The following NUMB variants were observed in gnomAD, a reference collection of about 807,000 sequenced individuals.
NUMB encodes the protein NUMB endocytic adaptor protein, also known as protein numb homolog.
Under a neutral mutation model 59.7 loss-of-function variants are expected in NUMB, and 29 were observed. The ratio of observed to expected loss-of-function variants is 0.49; its 90% CI spans 0.36 to 0.66. NUMB has a LOEUF of 0.66. Ranked by LOEUF, NUMB falls within the 30% of genes least tolerant of loss-of-function variation. NUMB has a pLI of 0.00. For synonymous variants in NUMB, 288 were observed against 288.2 expected (o/e 1.00, Z 0.01); for missense variants, 723 against 822.0 (o/e 0.88, Z 1.47).
intron 1 of NUMB, among the ~76,000 whole-genome samples, chr14:73,418,170 A>G (rs1292888335): frequency 6.6e-6 from 1 of 152,216 alleles, no homozygotes; most frequent in Admixed American, 6.5e-5. Flanking sequence ...TGAAATTCTG[A>G]CACTTGCTGC....
chr14:73,428,159 A>G (rs1413787319), intron 1 of NUMB, among the ~76,000 whole-genome samples: 2 of 152,190 alleles, frequency 1.3e-5, no homozygotes, highest in Non-Finnish European at 1.5e-5. Context: ...AAATAGTCTC[A>G]AGAGAATAAC....
Position 73,352,433 on chromosome 14 carries a change from T to TACAC in NUMB, c.126+3189_126+3192dup, listed in dbSNP as rs10610977. On this transcript the variant is annotated intron_variant, in intron 4 of 12. Transcript: ENST00000555238. ...ACCTTGGGTTGTAATAATATATATATACACACACACACACACACACACACA... is the reference window on the plus strand; with the variant it reads ...ACCTTGGGTTGTAATAATATATATATACACACACACACACACACACACACACACA... Among the ~76,000 whole-genome samples the TACAC allele has an allele frequency of 9.5e-4, 50 of 52,676 alleles. 4 individuals carry two copies. Among genetic ancestry groups the TACAC allele is most frequent in the Middle Eastern group, 8.3e-3 (1 of 120 alleles). 34.6% of individuals were successfully genotyped at this position (52,676 alleles called of 152,430 possible).
At chr14:73,356,170 C>G (rs561197087) in intron 3 of NUMB, among the ~76,000 whole-genome samples, 1 of 152,182 alleles carries the variant, frequency 6.6e-6, no homozygotes, top group South Asian at 2.1e-4. Flanking sequence ...TACATGTAGA[C>G]CAAATTATAG....
intron 6 of NUMB, among the ~76,000 whole-genome samples, chr14:73,313,803 ATTT>A (rs549089757): frequency 6.8e-6 from 1 of 147,522 alleles, no homozygotes; most frequent in African/African-American, 2.5e-5. Context: ...AAAAAAGATG[ATTT>A]TTTTTTTCTT....
intron 1 of NUMB, among the ~76,000 whole-genome samples, chr14:73,412,039 C>A (rs1482929613): frequency 2.0e-5 from 3 of 151,376 alleles, no homozygotes; most frequent in Non-Finnish European, 4.4e-5. Flanking sequence ...ATCCTCCCAC[C>A]TCAGCCTCCC....
intron 2 of NUMB, among the ~76,000 whole-genome samples, chr14:73,386,473 A>G (rs1375326209): frequency 6.6e-6 from 1 of 152,064 alleles, no homozygotes; most frequent in Non-Finnish European, 1.5e-5. Context: ...TTAACTTGTC[A>G]GCATTAAGTA....
intron 1 of NUMB, among the ~76,000 whole-genome samples, chr14:73,431,005 C>A (rs1897803533): frequency 6.6e-6 from 1 of 151,970 alleles, no homozygotes; most frequent in African/African-American, 2.4e-5. Flanking sequence ...GTCACCTAAG[C>A]TGGAGTACAG....
chr14:73,395,037 T>TTTTGTGTGTGTG (rs1230785169), intron 2 of NUMB, among the ~76,000 whole-genome samples: 9 of 120,000 alleles, frequency 7.5e-5, no homozygotes, highest in Admixed American at 7.1e-4. Context: ...ATTCGTGTGT[T>TTTTGTGTGTGTG]TGTGTGTGTG....
At chr14:73,437,987 A>G (rs1898127949) in intron 1 of NUMB, among the ~76,000 whole-genome samples, 1 of 152,240 alleles carries the variant, frequency 6.6e-6, no homozygotes, top group African/African-American at 2.4e-5. Context: ...GAAACCAGTT[A>G]CTATTTCCTA....
At chr14:73,408,107 G>C (rs1157274825) in intron 2 of NUMB, among the ~76,000 whole-genome samples, 2 of 151,940 alleles carry the variant, frequency 1.3e-5, no homozygotes, top group Non-Finnish European at 2.9e-5. Flanking sequence ...CATGCCTGTA[G>C]TCCCAGCTAC....
chr14:73,423,227 C>T (rs7153026), intron 1 of NUMB, among the ~76,000 whole-genome samples: 7,809 of 151,438 alleles, frequency 0.052, 648 homozygotes, highest in African/African-American at 0.18. Flanking sequence ...TGGCCGGGTG[C>T]GGTGGCTCAC....
chr14:73,416,830 T>C (rs1056276435), intron 1 of NUMB, among the ~76,000 whole-genome samples: 2 of 151,752 alleles, frequency 1.3e-5, no homozygotes, highest in Admixed American at 6.6e-5. Flanking sequence ...AAGAGGGCAG[T>C]TCTCCAGCAA....
rs938534582 is a variant in NUMB, at chr14:73,277,396, C to T, written c.1241-103G>A. On this transcript the variant is annotated intron_variant, in intron 12 of 12. Transcript: ENST00000555238. ...GATCCTAACATGTACAACATGTCCC[C>T]CCCTAATGGGACATTTTGTGGTTTT... 4.5e-6 allele frequency: 4 copies of T among 891,668 alleles called. No individual in the cohort carries two copies. In the Admixed American group the frequency reaches 8.7e-5, roughly 19 times the overall value. 55.2% of individuals were successfully genotyped at this position (891,668 alleles called of 1,614,324 possible).
chr14:73,380,855 G>C (rs756462719), intron 2 of NUMB, among the ~76,000 whole-genome samples: 1 of 151,270 alleles, frequency 6.6e-6, no homozygotes, highest in African/African-American at 2.4e-5. Flanking sequence ...CTCCCAAGTA[G>C]CTGGGATTAC....
chr14:73,393,162 T>C (rs1252688201), intron 2 of NUMB, among the ~76,000 whole-genome samples: 5 of 152,190 alleles, frequency 3.3e-5, no homozygotes, highest in African/African-American at 4.8e-5. Flanking sequence ...GCACATTATA[T>C]ATCACATTGC....
At chr14:73,367,285 A>ATT (rs1264942406) in intron 2 of NUMB, among the ~76,000 whole-genome samples, 1 of 112,838 alleles carries the variant, frequency 8.9e-6, no homozygotes, top group Non-Finnish European at 1.7e-5. Context: ...AATACTATAT[A>ATT]TATATATATA....
intron 3 of NUMB, among the ~76,000 whole-genome samples, chr14:73,363,859 T>C (rs1894207036): frequency 2.0e-5 from 3 of 152,100 alleles, no homozygotes; most frequent in Admixed American, 2.0e-4. Context: ...TGACGTGCGA[T>C]GAAAACTTGA....
At chr14:73,391,410 G>GA (rs1365862929) in intron 2 of NUMB, among the ~76,000 whole-genome samples, 2 of 150,026 alleles carry the variant, frequency 1.3e-5, no homozygotes, top group African/African-American at 2.5e-5. Flanking sequence ...ATATCTAAAA[G>GA]AAAAAAGAAA....
intron 4 of NUMB, among the ~76,000 whole-genome samples, chr14:73,331,370 C>T (rs139729080): frequency 1.8e-4 from 27 of 152,120 alleles, no homozygotes; most frequent in African/African-American, 6.5e-4. Flanking sequence ...ACGGTGAAAC[C>T]CCATCTCTCC....
Sources: allele counts gnomAD v4.1 joint callset (sites outside exome capture counted in the v4.1 genomes callset), GRCh38; gene constraint gnomAD v4.1.1; transcripts MANE v1.5; gene names NCBI Gene and HGNC (gene_info 2026-07-23, HGNC 2026-07-21).